Variants in OBI1 observed in about 807,000 individuals in gnomAD.
OBI1 encodes ring finger protein 219.
In OBI1, 59 loss-of-function variants were observed where a neutral mutation model predicts 62.4. That is an observed-to-expected ratio of 0.95 (90% CI 0.77 to 1.17). The LOEUF (loss-of-function observed/expected upper bound fraction) is 1.17, where lower values mean the gene tolerates loss of function less well. Among genes scored for constraint, OBI1 ranks in the 50% most tolerant of loss-of-function variants. OBI1 has a pLI of 0.00. For synonymous variants in OBI1, 302 were observed against 292.8 expected (o/e 1.03, Z -0.32); for missense variants, 875 against 830.9 (o/e 1.05, Z -0.65).
chr13:78,617,545 G>C (rs941840868), intron 5 of OBI1, among the ~76,000 whole-genome samples: 3 of 152,260 alleles, frequency 2.0e-5, no homozygotes, highest in Admixed American at 1.3e-4. Context: ...TCATACAGCA[G>C]TGTTTTACAA....
rs199596705 is a variant in OBI1, at chr13:78,616,200, G to A, written c.1561C>T (p.Arg521Trp). 54 of 1,613,870 alleles carry A rather than the reference G, an allele frequency of 3.3e-5. No individual in the cohort carries two copies. Among genetic ancestry groups the A allele is most frequent in the Non-Finnish European group, 4.0e-5 (47 of 1,180,008 alleles). The change falls in exon 6 of 6, where the codon CGG becomes TGG. Residue 521 changes from arginine (R) to tryptophan (W), a missense_variant. By Grantham distance (101) the Arg-to-Trp change is moderately radical. Coordinates refer to ENST00000282003, the MANE Select transcript of OBI1 (RefSeq NM_024546.4). ...LNSIRSFEMN[R>W]TRTSSEASMD... ...GATGCTTCACTGGATGTTCTTGTCC[G>A]GTTCATTTCAAAAGAGCGAATAGAA...
chr13:78,652,776 G>A lies in OBI1; in HGVS notation c.72+6273C>T. ...TCTAATGCTGCCTCTGATCTGACAGGAGGCAGAGCTCAGGTGGTAATACTA... is the reference window on the plus strand; with the variant it reads ...TCTAATGCTGCCTCTGATCTGACAGAAGGCAGAGCTCAGGTGGTAATACTA... On this transcript the variant is annotated intron_variant, in intron 1 of 5. Coordinates refer to ENST00000282003, the MANE Select transcript of OBI1 (RefSeq NM_024546.4). Among the ~76,000 whole-genome samples the A allele has an allele frequency of 1.3e-5, 2 of 152,108 alleles. 1 individual carries two copies.
Position 78,616,253 on chromosome 13 carries a change from G to C in OBI1, c.1508C>G (p.Ser503Ter), listed in dbSNP as rs1381270023. 9 of 1,613,618 alleles carry C rather than the reference G, an allele frequency of 5.6e-6. No individual in the cohort carries two copies. The highest frequency in any genetic ancestry group is 1.3e-5 in the African/African-American group (1 of 75,024). Reference protein sequence around the residue: ...GEISSKLSEKSGLCLSKRLNS... With the variant: ...GEISSKLSEK ...CAACCTTTTGGATAAACATAAGCCTGATTTCTCACTCAATTTTGAAGATAT... is the reference window on the plus strand; with the variant it reads ...CAACCTTTTGGATAAACATAAGCCTCATTTCTCACTCAATTTTGAAGATAT... The change falls in exon 6 of 6, where the codon TCA becomes TGA. Residue 503 changes from serine (S) to a stop codon, truncating the protein, a stop_gained. Transcript: ENST00000282003. LOFTEE classifies it high-confidence loss of function.
chr13:78,635,001 T>A (rs1875976447), intron 5 of OBI1, 109 bp downstream of exon 5: 2 of 624,508 alleles, frequency 3.2e-6, no homozygotes, highest in Non-Finnish European at 5.5e-6. Flanking sequence ...ACATTCTACC[T>A]AAATCTACAT....
At chr13:78,637,545 T>C (rs1285495808) in intron 4 of OBI1, among the ~76,000 whole-genome samples, 1 of 152,234 alleles carries the variant, frequency 6.6e-6, no homozygotes, top group African/African-American at 2.4e-5. Context: ...GTTTAATAAC[T>C]ACAAAGGAGA....
chr13:78,656,276 C>T (rs966148737), intron 1 of OBI1, among the ~76,000 whole-genome samples: 9 of 152,150 alleles, frequency 5.9e-5, no homozygotes, highest in Non-Finnish European at 1.2e-4. Context: ...GATAAGGAAA[C>T]AGGCTCAAAA....
intron 5 of OBI1, among the ~76,000 whole-genome samples, chr13:78,629,603 T>C (rs1875785081): frequency 6.6e-6 from 1 of 152,166 alleles, no homozygotes; most frequent in Non-Finnish European, 1.5e-5. Context: ...CTTCTAACTC[T>C]ACCAAGGATA....
chr13:78,643,644 C>T (rs757577321), intron 2 of OBI1, among the ~76,000 whole-genome samples: 2 of 151,992 alleles, frequency 1.3e-5, no homozygotes, highest in African/African-American at 2.4e-5. Flanking sequence ...CAAAATTAGC[C>T]GGGCGTGGTG....
chr13:78,623,935 C>A (rs1050697402), intron 5 of OBI1, among the ~76,000 whole-genome samples: 4 of 152,254 alleles, frequency 2.6e-5, no homozygotes, highest in Non-Finnish European at 4.4e-5. Context: ...TGACAGACCA[C>A]CCTGGTAAAT....
chr13:78,635,181 T>C lies in OBI1; in HGVS notation c.567A>G (p.Lys189=). The change falls in exon 5 of 6, where the codon AAA becomes AAG. Residue 189 remains lysine (K), a synonymous_variant. Coordinates refer to ENST00000282003, the MANE Select transcript of OBI1 (RefSeq NM_024546.4). ...CCCTCACCAGACCACCATTTTCCAATTTCAATTTTTTATTTGCCTAAAATA... is the reference window on the plus strand; with the variant it reads ...CCCTCACCAGACCACCATTTTCCAACTTCAATTTTTTATTTGCCTAAAATA... ...DKLKEANKKL[K]LENGGLVREN... is the part of the protein sequence containing the mutation. 1 of 1,603,816 alleles carries C rather than the reference T, an allele frequency of 6.2e-7. No individual in the cohort carries two copies. Among genetic ancestry groups the C allele is most frequent in the South Asian group, 1.1e-5 (1 of 89,778 alleles).
intron 1 of OBI1, among the ~76,000 whole-genome samples, chr13:78,657,447 CCA>C (rs1876745731): frequency 9.6e-6 from 1 of 104,280 alleles, no homozygotes; most frequent in Admixed American, 1.2e-4. Flanking sequence ...AGAGGTTCAA[CCA>C]CAGACTCTAA....
At chr13:78,658,940 C>A (rs964384853) in intron 1 of OBI1, 109 bp downstream of exon 1, 9 of 896,016 alleles carry the variant, frequency 1.0e-5, no homozygotes, top group African/African-American at 1.7e-5. Flanking sequence ...CGTTTTCTCC[C>A]ATCTCCGCGC....
chr13:78,645,114 GA>G (rs1593798688), intron 1 of OBI1, 117 bp from the exon 2 acceptor site: 1 of 958,776 alleles, frequency 1.0e-6, no homozygotes, highest in African/African-American at 1.7e-5. Context: ...TTTAAGAAGG[GA>G]TATCTAGCGC....
At chr13:78,624,780 G>C (rs568825131) in intron 5 of OBI1, among the ~76,000 whole-genome samples, 2 of 152,218 alleles carry the variant, frequency 1.3e-5, no homozygotes, top group Non-Finnish European at 2.9e-5. Context: ...GAGAAATACA[G>C]AACTAAACTG....
chr13:78,654,373 CT>C lies in OBI1; in HGVS notation c.72+4675del, dbSNP rs527627439. On this transcript the variant is annotated intron_variant, in intron 1 of 5. Transcript: ENST00000282003. Reference sequence around the variant, plus strand: ...AATGTAGAACTTGCAGTCCATATGGCTTTTTTTCAAAGCAAATTACTTATGA... The same window carrying C: ...AATGTAGAACTTGCAGTCCATATGGCTTTTTTCAAAGCAAATTACTTATGA... Among the ~76,000 whole-genome samples the C allele has an allele frequency of 4.7e-3, 712 of 152,150 alleles. 2 individuals are homozygous for C. The highest frequency in any genetic ancestry group is 8.6e-3 in the Non-Finnish European group (587 of 67,988).
At chr13:78,622,294 A>G (rs918795756) in intron 5 of OBI1, among the ~76,000 whole-genome samples, 1 of 152,130 alleles carries the variant, frequency 6.6e-6, no homozygotes. Flanking sequence ...AAAAAAATAT[A>G]TATCAGGCAC....
intron 5 of OBI1, among the ~76,000 whole-genome samples, chr13:78,629,989 G>A (rs1460258884): frequency 6.6e-6 from 1 of 152,110 alleles, no homozygotes. Flanking sequence ...AAAAAGGACT[G>A]GGGCTGAAGG....
intron 2 of OBI1, among the ~76,000 whole-genome samples, chr13:78,644,051 T>A (rs1268833973): frequency 6.6e-6 from 1 of 152,026 alleles, no homozygotes; most frequent in East Asian, 1.9e-4. Context: ...GCTTTACTCC[T>A]CCCCCACCCC....
chr13:78,649,307 C>T (rs1226442991), intron 1 of OBI1, among the ~76,000 whole-genome samples: 2 of 152,048 alleles, frequency 1.3e-5, no homozygotes, highest in African/African-American at 2.4e-5. Context: ...AAGGAGGGGT[C>T]CTGTGATGTA....
Sources: allele counts gnomAD v4.1 joint callset (sites outside exome capture counted in the v4.1 genomes callset), GRCh38; gene constraint gnomAD v4.1.1; transcripts MANE v1.5; gene names NCBI Gene and HGNC (gene_info 2026-07-23, HGNC 2026-07-21).